Variants in SLC2A11 observed in about 807,000 individuals in gnomAD.
SLC2A11 encodes the protein solute carrier family 2, facilitated glucose transporter member 11.
SLC2A11 carries 43 observed loss-of-function variants against 52.1 expected under a neutral mutation model. The observed-to-expected ratio is 0.82, with a 90% CI of 0.65 to 1.06. The LOEUF (loss-of-function observed/expected upper bound fraction) is 1.06. SLC2A11 is among the 50% of genes least tolerant of loss of function. The pLI, the probability that SLC2A11 is intolerant of heterozygous loss-of-function variation, is 0.00. For missense variants in SLC2A11, 582 were observed against 654.2 expected (o/e 0.89, Z 1.20); for synonymous variants, 261 against 277.6 (o/e 0.94, Z 0.59).
rs759035652 is a variant in SLC2A11, at chr22:23,882,832, G to A, written c.956G>A (p.Gly319Glu). The A allele has an allele frequency of 3.3e-5, 53 of 1,613,644 alleles. No individual in the cohort carries two copies. Among genetic ancestry groups the A allele is most frequent in the Middle Eastern group, 1.6e-4 (1 of 6,084 alleles). Residue 319 changes from glycine (G) to glutamate (E), a missense_variant, in exon 8 of 12, where the codon GGG (glycine) becomes GAG (glutamate). By Grantham distance (98) the Gly-to-Glu change is moderately conservative. Coordinates refer to ENST00000316185, the MANE Select transcript of SLC2A11 (RefSeq NM_001024939.4). Reference protein sequence around the residue: ...PEAKIQYAIIGTGSCELLTAV... With the variant: ...PEAKIQYAIIETGSCELLTAV... ...GCGAAGATCCAGTACGCGATCATCG[G>A]GACTGGGAGCTGCGAGCTGCTCACG...
intron 4 of SLC2A11, among the ~76,000 whole-genome samples, chr22:23,876,720 G>A (rs183702082): frequency 1.0e-4 from 15 of 150,736 alleles, no homozygotes; most frequent in East Asian, 4.0e-4. Flanking sequence ...GCACAGCCCC[G>A]TCAGAGTCCT....
chr22:23,883,269 G>T (rs1042636185), intron 8 of SLC2A11: 4 of 345,854 alleles, frequency 1.2e-5, no homozygotes, highest in Non-Finnish European at 2.2e-5. Flanking sequence ...TCAGGAGTTG[G>T]AGACCAGCCT....
intron 6 of SLC2A11, among the ~76,000 whole-genome samples, chr22:23,878,931 A>T (rs1268433482): frequency 6.6e-6 from 1 of 152,228 alleles, no homozygotes; most frequent in Non-Finnish European, 1.5e-5. Context: ...GTAAAAAGTA[A>T]GATGAGGTAA....
Position 23,884,199 on chromosome 22 carries a change from A to G in SLC2A11, c.1172-103A>G. 2.0e-6 allele frequency: 3 copies of G among 1,502,326 alleles called. No individual in the cohort carries two copies. Among genetic ancestry groups the G allele is most frequent in the East Asian group, 2.4e-5 (1 of 41,332 alleles). The allele number at this position is 1,502,326 out of a possible 1,614,324, so 93.1% of individuals were successfully genotyped here. A position where few individuals can be genotyped will look rare whatever the true frequency, so the allele number is the denominator to read the frequency against. On this transcript the variant is annotated intron_variant, in intron 10 of 11. Coordinates refer to ENST00000316185, the MANE Select transcript of SLC2A11 (RefSeq NM_001024939.4). The surrounding 1 kb of genome is among the most constrained non-coding windows in gnomAD (Gnocchi z 4.3). ...AGGAGAGCACTGAGGGGCCCCCCAT[A>G]CAGACTGGGCCTGGGCTCCCACTCC...
At chr22:23,857,319 C>T (rs2031869819), upstream of SLC2A11, 7 of 1,133,658 alleles carry the variant, frequency 6.2e-6, no homozygotes, top group African/African-American at 3.1e-5. Flanking sequence ...CGGGGGAGGA[C>T]TTGGGAGCGC....
At position 23,868,704 on chromosome 22, in the gene SLC2A11, G is replaced by T. The variant is rs2032354211; in HGVS notation, c.290+63G>T. The T allele has an allele frequency of 2.7e-5, 42 of 1,582,152 alleles. 1 individual carries two copies. The South Asian group carries it at 4.7e-4, about 18-fold the overall frequency. On this transcript the variant is annotated intron_variant, in intron 3 of 11. Coordinates refer to ENST00000316185, the MANE Select transcript of SLC2A11 (RefSeq NM_001024939.4). ...TGAGGAGCGCTGCAGCCTGCAGGCTGAGGAATGTGGAAGAAGGAAGAGGCC... is the reference window on the plus strand; with the variant it reads ...TGAGGAGCGCTGCAGCCTGCAGGCTTAGGAATGTGGAAGAAGGAAGAGGCC...
chr22:23,882,323 C>T (rs1300200799), intron 6 of SLC2A11, 136 bp from the exon 7 acceptor site: 5 of 742,632 alleles, frequency 6.7e-6, no homozygotes, highest in Non-Finnish European at 1.1e-5. Context: ...GAGAGACACA[C>T]ACACACACAG....
chr22:23,877,367 T>C, intron 5 of SLC2A11, 196 bp downstream of exon 5: 1 of 942,912 alleles, frequency 1.1e-6, no homozygotes, highest in South Asian at 1.4e-5. Flanking sequence ...GTGAATCACC[T>C]TTTCCCATCC....
At chr22:23,857,835 G>A (rs1316937906), upstream of SLC2A11, 2 of 1,494,080 alleles carry the variant, frequency 1.3e-6, no homozygotes, top group African/African-American at 1.4e-5. Context: ...GTCTCGACGG[G>A]TTTGCTCCTC....
At chr22:23,863,607 G>GTTTTTTTTTTTTTTTTTTTTT (rs1568985269) in intron 2 of SLC2A11, among the ~76,000 whole-genome samples, 2 of 113,168 alleles carry the variant, frequency 1.8e-5, no homozygotes, top group African/African-American at 3.2e-5. Flanking sequence ...CTCTCTCTCT[G>GTTTTTTTTTTTTTTTTTTTTT]GTTTTTTTTT....
chr22:23,857,554 A>G (rs1314276936), upstream of SLC2A11: 3 of 1,591,372 alleles, frequency 1.9e-6, no homozygotes, highest in South Asian at 3.3e-5. Context: ...CGGCGGCGAC[A>G]AACCCCGCGG....
chr22:23,871,085 A>G (rs1018311325), intron 3 of SLC2A11: 1 of 152,022 alleles, frequency 6.6e-6, no homozygotes, highest in Non-Finnish European at 1.5e-5. Context: ...TGCTTCATCT[A>G]AGACTTTTTG....
At chr22:23,864,971 G>C (rs1409587295) in intron 2 of SLC2A11, among the ~76,000 whole-genome samples, 2 of 152,030 alleles carry the variant, frequency 1.3e-5, no homozygotes, top group African/African-American at 2.4e-5. Flanking sequence ...AGCTGGGCAT[G>C]GTGGCATGTG....
At chr22:23,877,013 T>A (rs147551320) in intron 4 of SLC2A11, 29 bp from the exon 5 acceptor site, 1 of 1,613,614 alleles carries the variant, frequency 6.2e-7, no homozygotes, top group Non-Finnish European at 8.5e-7. Flanking sequence ...AGCTGGTGGC[T>A]GACGTGCCTC....
At chr22:23,863,197 T>C (rs1236488373) in intron 2 of SLC2A11, among the ~76,000 whole-genome samples, 1 of 152,124 alleles carries the variant, frequency 6.6e-6, no homozygotes, top group Non-Finnish European at 1.5e-5. Context: ...GGGCCCTCTC[T>C]CTTCCACCTG....
In SLC2A11 at chr22:23,884,336, T is replaced by G; in HGVS notation, c.1206T>G (p.Phe402Leu). ...GVTGILATEL[F>L]DQMARPAACM... ...CGGGGATCCTGGCCACAGAGCTGTT[T>G]GACCAGATGGCCAGGCCTGCTGCCT... The change falls in exon 11 of 12, where the codon TTT (phenylalanine) becomes TTG (leucine). Residue 402 changes from phenylalanine (F) to leucine (L), a missense_variant. By Grantham distance (22) the Phe-to-Leu change is conservative. Coordinates refer to ENST00000316185, the MANE Select transcript of SLC2A11 (RefSeq NM_001024939.4). The surrounding 1 kb of genome is among the most constrained non-coding windows in gnomAD (Gnocchi z 4.3). 1 of 1,614,026 alleles carries G rather than the reference T, an allele frequency of 6.2e-7. No individual in the cohort carries two copies.
intron 3 of SLC2A11, among the ~76,000 whole-genome samples, chr22:23,874,378 T>C (rs1387343401): frequency 6.6e-6 from 1 of 152,172 alleles, no homozygotes; most frequent in Admixed American, 6.5e-5. Flanking sequence ...CCTCGTACTC[T>C]TGGGCTCTAG....
intron 2 of SLC2A11, chr22:23,866,948 G>C (rs2032286514): frequency 6.6e-6 from 1 of 152,280 alleles, no homozygotes; most frequent in Non-Finnish European, 1.5e-5. Context: ...CCAGGCTGAG[G>C]CAACCTCCCA....
At chr22:23,858,639 G>T (rs2031944356) in intron 1 of SLC2A11, among the ~76,000 whole-genome samples, 2 of 152,116 alleles carry the variant, frequency 1.3e-5, no homozygotes, top group African/African-American at 4.8e-5. Flanking sequence ...GAAGCTGCAG[G>T]GATCTAATAG....
Sources: allele counts gnomAD v4.1 joint callset (sites outside exome capture counted in the v4.1 genomes callset), GRCh38; gene constraint gnomAD v4.1.1; non-coding constraint Gnocchi (gnomAD v3.1); transcripts MANE v1.5; gene names NCBI Gene and HGNC (gene_info 2026-07-23, HGNC 2026-07-21).